CCDC157: variants seen among roughly 807,000 people sequenced by gnomAD.
CCDC157 encodes the protein coiled-coil domain-containing protein 157.
In CCDC157, 60 loss-of-function variants were observed where a neutral mutation model predicts 70.9. That is an observed-to-expected ratio of 0.85 (90% CI 0.69 to 1.05). The LOEUF is 1.05. Ranked by LOEUF, CCDC157 falls within the 50% of genes least tolerant of loss-of-function variation. The pLI, the probability that CCDC157 is intolerant of heterozygous loss-of-function variation, is 0.00. For missense variants in CCDC157, 943 were observed against 984.2 expected (o/e 0.96, Z 0.56); for synonymous variants, 373 against 422.4 (o/e 0.88, Z 1.43).
In CCDC157 at chr22:30,362,075, C is replaced by G. The variant is rs1178386785; in HGVS notation, c.-51C>G. The G allele has an allele frequency of 6.6e-6, 1 of 152,440 alleles. No individual in the cohort carries two copies. Among genetic ancestry groups the G allele is most frequent in the Non-Finnish European group, 1.5e-5 (1 of 68,218 alleles). The allele number at this position is 152,440 out of a possible 1,614,324, so 9.4% of individuals were successfully genotyped here. A position where few individuals can be genotyped will look rare whatever the true frequency, so the allele number is the denominator to read the frequency against. On this transcript the variant is annotated 5_prime_UTR_variant, in exon 2 of 12. Transcript: ENST00000338306. The stretch of plus-strand genomic sequence containing the variant: ...TAGGCTCGTCTGAGAACTAGACACA[C>G]TCAGTCACTCCAGCTCCACGGGCAG...
chr22:30,365,172 G>A (rs1932636863), intron 2 of CCDC157, among the ~76,000 whole-genome samples: 1 of 152,190 alleles, frequency 6.6e-6, no homozygotes. Context: ...TCTTGGAGGA[G>A]GTAATATCCA....
chr22:30,373,622 TG>T lies in CCDC157; in HGVS notation c.1362del (p.Leu455Ter), dbSNP rs1378206896. The T allele has an allele frequency of 6.4e-7, 1 of 1,556,224 alleles. No homozygotes were observed. Among genetic ancestry groups the T allele is most frequent in the South Asian group, 1.2e-5 (1 of 84,610 alleles). ...TCTCTGCAGGCCAAGCAGCGAGCCC[TG>T]CTAAAGCAGCTGGACAGCCTGGACC... The part of the protein sequence containing the change: ...QESLQAKQRA[L>X]LKQLDSLDQE... On this transcript the variant is annotated frameshift_variant, in exon 8 of 12. Coordinates refer to ENST00000338306, the MANE Select transcript of CCDC157 (RefSeq NM_001017437.5). LOFTEE classifies it high-confidence loss of function.
rs758089764 is a variant in CCDC157 at position 30,370,308 on chromosome 22, G to C, written c.421-18G>C. 1.2e-5 allele frequency: 19 copies of C among 1,610,788 alleles called. No homozygotes were observed. The highest frequency in any genetic ancestry group is 1.6e-5 in the Non-Finnish European group (19 of 1,177,652). On this transcript the variant is annotated intron_variant, in intron 4 of 11. Coordinates refer to ENST00000338306, the MANE Select transcript of CCDC157 (RefSeq NM_001017437.5). ...CTCTCTCCCTCACCTGCTTTCCCTT[G>C]TCTTTTTCTGAACACAGAAAGGGGC...
Position 30,378,069 on chromosome 22 carries a change from T to C in CCDC157, c.*1324T>C. 2.1e-6 allele frequency: 1 copy of C among 470,624 alleles called. No individual in the cohort carries two copies. Among genetic ancestry groups the C allele is most frequent in the South Asian group, 1.5e-5 (1 of 64,550 alleles). 29.2% of individuals were successfully genotyped at this position (470,624 alleles called of 1,614,324 possible). A position where few individuals can be genotyped will look rare whatever the true frequency, so the allele number is the denominator to read the frequency against. ...GGGACTGAGGTCCCCATGTCCTCGC[T>C]GGCTGGCTGTAAGCCAGGTCCTCTC... On this transcript the variant is annotated 3_prime_UTR_variant, in exon 12 of 12. Coordinates refer to ENST00000338306, the MANE Select transcript of CCDC157 (RefSeq NM_001017437.5).
In CCDC157 at chr22:30,373,606, G is replaced by C; in HGVS notation, c.1345G>C (p.Ala449Pro). 1 of 1,554,290 alleles carries C rather than the reference G, an allele frequency of 6.4e-7. No homozygotes were observed. Among genetic ancestry groups the C allele is most frequent in the Non-Finnish European group, 8.7e-7 (1 of 1,148,614 alleles). ...GTCCGTTCCTGCTTAGTCTCTGCAGGCCAAGCAGCGAGCCCTGCTAAAGCA... is the reference window on the plus strand; with the variant it reads ...GTCCGTTCCTGCTTAGTCTCTGCAGCCCAAGCAGCGAGCCCTGCTAAAGCA... ...SMVRHQESLQ[A>P]KQRALLKQLD... The change falls in exon 8 of 12, where the codon GCC (alanine) becomes CCC (proline). Residue 449 changes from alanine (A) to proline (P), a missense_variant. Transcript: ENST00000338306.
At position 30,374,091 on chromosome 22, in the gene CCDC157, G is replaced by A. The variant is rs1488222999; in HGVS notation, c.1672G>A (p.Gly558Arg). Residue 558 changes from glycine (G) to arginine (R), a missense_variant and splice_region_variant, in exon 9 of 12, where the codon GGA becomes AGA. Coordinates refer to ENST00000338306, the MANE Select transcript of CCDC157 (RefSeq NM_001017437.5). ...CAGGCCCACCGAGACCCAGATCCAT[G>A]GTAGGGGACTGGGGATGGTGCCAAG... is the stretch of plus-strand genomic sequence containing the variant. Reference protein sequence around the residue: ...LHRPTETQIHGGRSSSVESQI... With the variant: ...LHRPTETQIHRGRSSSVESQI... The A allele has an allele frequency of 1.3e-6, 2 of 1,593,116 alleles. No homozygotes were observed. Among genetic ancestry groups the A allele is most frequent in the East Asian group, 2.3e-5 (1 of 44,090 alleles).
chr22:30,372,352 T>C, intron 7 of CCDC157, 66 bp downstream of exon 7: 1 of 1,446,650 alleles, frequency 6.9e-7, no homozygotes, highest in Non-Finnish European at 9.1e-7. Flanking sequence ...AGGGCTCCAC[T>C]GTCAGGGAAT....
chr22:30,371,915 C>A, intron 6 of CCDC157, 160 bp from the exon 7 acceptor site: 3 of 733,688 alleles, frequency 4.1e-6, no homozygotes, highest in South Asian at 1.8e-5. Context: ...ACCGAGAAAG[C>A]GCCTTCTATT....
intron 7 of CCDC157, chr22:30,373,069 AT>A (rs1933057204): frequency 6.4e-6 from 1 of 155,440 alleles, no homozygotes; most frequent in Admixed American, 6.2e-5. Flanking sequence ...TGTCACCCCC[AT>A]TTTACGAATG....
At position 30,370,552 on chromosome 22, in the gene CCDC157, C is replaced by A; in HGVS notation, c.647C>A (p.Thr216Lys). The A allele has an allele frequency of 6.2e-7, 1 of 1,614,100 alleles. No individual in the cohort carries two copies. Among genetic ancestry groups the A allele is most frequent in the Non-Finnish European group, 8.5e-7 (1 of 1,180,048 alleles). Residue 216 changes from threonine to lysine, a missense_variant, in exon 5 of 12, where the codon ACG becomes AAG. By Grantham distance (78) the Thr-to-Lys change is moderately conservative (BLOSUM62 -1). Coordinates refer to ENST00000338306, the MANE Select transcript of CCDC157 (RefSeq NM_001017437.5). The stretch of plus-strand genomic sequence containing the variant: ...AGTGTCCACTCCCAGACCATTGAGA[C>A]GGCCCTGGTGCCCTGTGACGCATGC... ...TRSVHSQTIETALVPCDACAS... is the reference protein window; with the variant it reads ...TRSVHSQTIEKALVPCDACAS...
Position 30,369,541 on chromosome 22 carries a change from G to C in CCDC157, c.358G>C (p.Val120Leu). The C allele has an allele frequency of 6.2e-7, 1 of 1,604,800 alleles. No individual in the cohort carries two copies. The highest frequency in any genetic ancestry group is 8.5e-7 in the Non-Finnish European group (1 of 1,175,598). ...AGPCMSVGLT[V>L]RRFWDSLLRL... ...GCCCTGCATGTCCGTGGGGCTCACG[G>C]TGCGGCGCTTCTGGGACAGCCTGCT... is the stretch of plus-strand genomic sequence containing the variant. Residue 120 changes from valine (V) to leucine (L), a missense_variant, in exon 4 of 12, where the codon GTG becomes CTG. Physicochemically the swap from Val to Leu is conservative, Grantham distance 32 (BLOSUM62 1). Transcript: ENST00000338306.
At chr22:30,359,690 T>TA (rs776848553) in intron 1 of CCDC157, among the ~76,000 whole-genome samples, 7 of 152,240 alleles carry the variant, frequency 4.6e-5, no homozygotes, top group Non-Finnish European at 8.8e-5. Context: ...ATAAAAATGT[T>TA]AAAAATCTCC....
Position 30,376,475 on chromosome 22 carries a change from G to A in CCDC157, c.1989G>A (p.Arg663=). The change falls in exon 12 of 12, where the codon AGG becomes AGA. Residue 663 remains arginine, a synonymous_variant. Coordinates refer to ENST00000338306, the MANE Select transcript of CCDC157 (RefSeq NM_001017437.5). ...RQHLPSSRTG[R]TLLGQPCTSP... The stretch of plus-strand genomic sequence containing the variant: ...ACCTTCCTAGCAGCAGGACGGGTAG[G>A]ACCCTGCTGGGCCAGCCCTGCACAT... 6.2e-7 allele frequency: 1 copy of A among 1,612,602 alleles called. No individual in the cohort carries two copies. The highest frequency in any genetic ancestry group is 2.2e-5 in the East Asian group (1 of 44,840).
chr22:30,372,484 A>G (rs977547513), intron 7 of CCDC157, 198 bp downstream of exon 7: 5 of 712,840 alleles, frequency 7.0e-6, no homozygotes, highest in Non-Finnish European at 1.1e-5. Context: ...AGGGACTGAT[A>G]CTGCCCAGTG....
chr22:30,372,154 G>C lies in CCDC157; in HGVS notation c.1203G>C (p.Gln401His). Residue 401 changes from glutamine (Q) to histidine (H), a missense_variant, in exon 7 of 12, where the codon CAG becomes CAC. Gln to His is a conservative substitution (Grantham distance 24). Coordinates refer to ENST00000338306, the MANE Select transcript of CCDC157 (RefSeq NM_001017437.5). ...AERQVQQLEE[Q>H]VQQLEAQVQL... is the part of the protein sequence containing the mutation. ...GGCAGGTGCAGCAGCTGGAGGAGCAGGTGCAGCAGTTGGAGGCGCAGGTGC... is the reference window on the plus strand; with the variant it reads ...GGCAGGTGCAGCAGCTGGAGGAGCACGTGCAGCAGTTGGAGGCGCAGGTGC... The C allele has an allele frequency of 6.4e-7, 1 of 1,562,370 alleles. No homozygotes were observed. The highest frequency in any genetic ancestry group is 8.7e-7 in the Non-Finnish European group (1 of 1,154,390).
chr22:30,369,647 A>G (rs759021161), intron 4 of CCDC157, 44 bp downstream of exon 4: 24 of 1,410,106 alleles, frequency 1.7e-5, no homozygotes, highest in African/African-American at 8.8e-5. Flanking sequence ...CTCAGCCTCT[A>G]TCTCCCCACT....
chr22:30,356,873 TACG>T, upstream of CCDC157: 6 of 1,167,684 alleles, frequency 5.1e-6, no homozygotes, highest in Non-Finnish European at 6.5e-6. Flanking sequence ...GCTCGGTCAG[TACG>T]ACGAGCTCGC....
chr22:30,363,956 A>T (rs140399280), intron 2 of CCDC157, among the ~76,000 whole-genome samples: 1 of 152,276 alleles, frequency 6.6e-6, no homozygotes, highest in East Asian at 1.9e-4. Flanking sequence ...TGTTGGGATT[A>T]CAGGCGTGAG....
In CCDC157 at chr22:30,366,148, C is replaced by CT; in HGVS notation, c.149dup (p.Asp51ArgfsTer10). On this transcript the variant is annotated frameshift_variant, in exon 3 of 12. Transcript: ENST00000338306. LOFTEE classifies it high-confidence loss of function. ...GTTCCCTGACCGCATGGCCTGTGACCTCGACATGGTGGCCCTGCTGGAGCA... is the reference window on the plus strand; with the variant it reads ...GTTCCCTGACCGCATGGCCTGTGACCTTCGACATGGTGGCCCTGCTGGAGCA... The CT allele has an allele frequency of 6.2e-7, 1 of 1,613,864 alleles. No individual in the cohort carries two copies. Among genetic ancestry groups the CT allele is most frequent in the Non-Finnish European group, 8.5e-7 (1 of 1,180,034 alleles).
Sources: allele counts gnomAD v4.1 joint callset (sites outside exome capture counted in the v4.1 genomes callset), GRCh38; gene constraint gnomAD v4.1.1; transcripts MANE v1.5; gene names NCBI Gene and HGNC (gene_info 2026-07-23, HGNC 2026-07-21).